Variants in CHD5 observed in about 807,000 individuals in gnomAD.
CHD5 encodes chromodomain helicase DNA binding protein 5, also known as ATP-dependent chromatin remodeler CHD5.
Under a neutral mutation model 230.3 loss-of-function variants are expected in CHD5, and 69 were observed. That is an observed-to-expected ratio of 0.30 (90% CI 0.25 to 0.37). The LOEUF (loss-of-function observed/expected upper bound fraction) is 0.37. CHD5 is among the 10% of genes least tolerant of loss of function. The probability of loss-of-function intolerance (pLI) is 1.00; values close to 1 mark genes in which losing one functional copy is unlikely to be tolerated. For missense variants in CHD5, 1,827 were observed against 2,622.8 expected, an observed-to-expected ratio of 0.70 and a Z score of 6.63; for synonymous variants, 1,064 against 1,065.9, an observed-to-expected ratio of 1.00 and a Z score of 0.03.
Position 6,124,674 on chromosome 1 carries a change from G to GGC in CHD5, c.4395-14_4395-13insGC. 1.1e-6 allele frequency: 1 copy of GGC among 927,678 alleles called. No individual in the cohort carries two copies. The highest frequency in any genetic ancestry group is 1.7e-5 in the African/African-American group (1 of 59,282). The allele number at this position is 927,678 out of a possible 1,614,324, so 57.5% of individuals were successfully genotyped here. A position where few individuals can be genotyped will look rare whatever the true frequency, so the allele number is the denominator to read the frequency against. ...GGACACATAGGCTCTGGGGTGGGGGGGGGGGACTGGGGCTCAGGGAGTGGG... is the reference window on the plus strand; with the variant it reads ...GGACACATAGGCTCTGGGGTGGGGGGGCGGGGGACTGGGGCTCAGGGAGTGGG... On this transcript the variant is annotated splice_polypyrimidine_tract_variant and intron_variant, in intron 29 of 41. Transcript: ENST00000262450.
In CHD5 at chr1:6,126,112, AGTG is replaced by A. The variant is rs1194105450; in HGVS notation, c.4079-257_4079-255del. ...ACGTGCCCAAGGCCACGTCACGAGC[AGTG>A]GTGAAGTCACTGAACTGAGCCACAC... On this transcript the variant is annotated intron_variant, in intron 26 of 41. Coordinates refer to ENST00000262450, the MANE Select transcript of CHD5 (RefSeq NM_015557.3). The surrounding 1 kb of genome is among the most constrained non-coding windows in gnomAD (Gnocchi z 5.7). Among the ~76,000 whole-genome samples the A allele has an allele frequency of 5.9e-5, 9 of 152,182 alleles. No homozygotes were observed. Among genetic ancestry groups the A allele is most frequent in the Non-Finnish European group, 1.2e-4 (8 of 68,022 alleles).
Position 6,102,124 on chromosome 1 carries a change from GCCAGTGGGGACCC to G in CHD5, c.*3337_*3349del, listed in dbSNP as rs1252037477. ...ACACCCCTGAACTCAGACCCCACGGGCCAGTGGGGACCCTCCCTTCCTCTCCAGGGGTGCTTGG... is the reference window on the plus strand; with the variant it reads ...ACACCCCTGAACTCAGACCCCACGGGTCCCTTCCTCTCCAGGGGTGCTTGG... On this transcript the variant is annotated 3_prime_UTR_variant, in exon 42 of 42. Coordinates refer to ENST00000262450, the MANE Select transcript of CHD5 (RefSeq NM_015557.3). 3.1e-6 allele frequency: 1 copy of G among 326,960 alleles called. No homozygotes were observed. Among genetic ancestry groups the G allele is most frequent in the Non-Finnish European group, 6.2e-6 (1 of 161,370 alleles). The allele number at this position is 326,960 out of a possible 1,614,324, so 20.3% of individuals were successfully genotyped here.
Position 6,134,361 on chromosome 1 carries a change from T to A in CHD5, c.3013-102A>T. On this transcript the variant is annotated intron_variant, in intron 19 of 41. Transcript: ENST00000262450. This position sits in a 1 kb window ranked among gnomAD's most constrained non-coding sequence, Gnocchi z 6.3. ...AACAGACAAGTGCTGAGCAATGGGG[T>A]GATGGCCTGTCTGCCCACTGAACAT... 2 of 1,371,134 alleles carry A rather than the reference T, an allele frequency of 1.5e-6. No homozygotes were observed. Among genetic ancestry groups the A allele is most frequent in the Non-Finnish European group, 2.0e-6 (2 of 992,782 alleles). 84.9% of individuals were successfully genotyped at this position (1,371,134 alleles called of 1,614,324 possible). A position where few individuals can be genotyped will look rare whatever the true frequency, so the allele number is the denominator to read the frequency against.
chr1:6,138,701 C>T (rs1666782162), intron 15 of CHD5, among the ~76,000 whole-genome samples: 1 of 152,250 alleles, frequency 6.6e-6, no homozygotes, highest in Admixed American at 6.5e-5. Flanking sequence ...AGAGCTAAGT[C>T]TGTTTCTCAA....
intron 38 of CHD5, among the ~76,000 whole-genome samples, chr1:6,107,193 T>C (rs1255880916): frequency 1.4e-5 from 1 of 72,072 alleles, no homozygotes; most frequent in Non-Finnish European, 2.8e-5. Flanking sequence ...TGGGGGAAGA[T>C]GGAGGGATGG....
Position 6,124,657 on chromosome 1 carries a change from A to T in CHD5, c.4399T>A (p.Tyr1467Asn). Reference sequence around the variant, plus strand: ...AGGTGCCGCATGAAGAGGGACACATAGGCTCTGGGGTGGGGGGGGGGGACT... The same window carrying T: ...AGGTGCCGCATGAAGAGGGACACATTGGCTCTGGGGTGGGGGGGGGGGACT... ...RGKSEKEFRAYVSLFMRHLCE... is the reference protein window; with the variant it reads ...RGKSEKEFRANVSLFMRHLCE... The change falls in exon 30 of 42, where the codon TAT becomes AAT. Residue 1467 changes from tyrosine to asparagine, a missense_variant. Transcript: ENST00000262450. 3 of 249,974 alleles carry T rather than the reference A, an allele frequency of 1.2e-5. No individual in the cohort carries two copies. The highest frequency in any genetic ancestry group is 2.1e-5 in the Non-Finnish European group (3 of 142,290). 15.5% of individuals were successfully genotyped at this position (249,974 alleles called of 1,614,324 possible). A position where few individuals can be genotyped will look rare whatever the true frequency, so the allele number is the denominator to read the frequency against.
Position 6,155,795 on chromosome 1 carries a change from G to T in CHD5, c.388-78C>A. The T allele has an allele frequency of 8.8e-7, 1 of 1,130,582 alleles. No homozygotes were observed. The highest frequency in any genetic ancestry group is 1.3e-6 in the Non-Finnish European group (1 of 753,172). The allele number at this position is 1,130,582 out of a possible 1,614,324, so 70.0% of individuals were successfully genotyped here. A position where few individuals can be genotyped will look rare whatever the true frequency, so the allele number is the denominator to read the frequency against. On this transcript the variant is annotated intron_variant, in intron 3 of 41. Transcript: ENST00000262450. The surrounding 1 kb of genome is among the most constrained non-coding windows in gnomAD (Gnocchi z 4.0). ...CCCCCATCCCCAGGGTCTCTGCCTAGGAGGCTTTGGCACAGGGGAAAGAGG... is the reference window on the plus strand; with the variant it reads ...CCCCCATCCCCAGGGTCTCTGCCTATGAGGCTTTGGCACAGGGGAAAGAGG...
At chr1:6,175,732 A>G (rs1667416591) in intron 1 of CHD5, among the ~76,000 whole-genome samples, 2 of 149,018 alleles carry the variant, frequency 1.3e-5, no homozygotes, top group Non-Finnish European at 3.0e-5. Flanking sequence ...ATGGATATAC[A>G]TATGGATAGA....
At chr1:6,161,643 C>G (rs1006441968) in intron 2 of CHD5, among the ~76,000 whole-genome samples, 1 of 152,206 alleles carries the variant, frequency 6.6e-6, no homozygotes, top group Non-Finnish European at 1.5e-5. Context: ...GGCTCCCAAG[C>G]TCGGCCTCGG....
chr1:6,154,634 A>C lies in CHD5; in HGVS notation c.745+26T>G. On this transcript the variant is annotated intron_variant, in intron 5 of 41. Transcript: ENST00000262450. The surrounding 1 kb of genome is among the most constrained non-coding windows in gnomAD (Gnocchi z 7.0). ...AAAGGGACCTCTTCCCAGCGGGACT[A>C]GGTGCCCACCCAACCCCAGCCTTAC... is the stretch of plus-strand genomic sequence containing the variant. 6.5e-7 allele frequency: 1 copy of C among 1,527,394 alleles called. No individual in the cohort carries two copies. The highest frequency in any genetic ancestry group is 2.0e-5 in the Admixed American group (1 of 49,122). 94.6% of individuals were successfully genotyped at this position (1,527,394 alleles called of 1,614,324 possible).
In CHD5 at chr1:6,125,132, C is replaced by T. The variant is rs145328843; in HGVS notation, c.4362G>A (p.Arg1454=). ...QDAFNSHWLV[R]DLRGKSEKEF... ...CCTTCTCGCTCTTCCCTCGAAGGTC[C>T]CGCACCAGCCAGTGGGAGTTGAAGG... Residue 1454 remains arginine, a synonymous_variant, in exon 29 of 42, where the codon CGG becomes CGA. Coordinates refer to ENST00000262450, the MANE Select transcript of CHD5 (RefSeq NM_015557.3). The surrounding 1 kb of genome is among the most constrained non-coding windows in gnomAD (Gnocchi z 6.7). 91 of 1,602,068 alleles carry T rather than the reference C, an allele frequency of 5.7e-5. 2 individuals carry two copies. Among genetic ancestry groups the T allele is most frequent in the Middle Eastern group, 3.3e-4 (2 of 6,058 alleles).
intron 9 of CHD5, among the ~76,000 whole-genome samples, chr1:6,148,532 C>T (rs1571159988): frequency 6.6e-6 from 1 of 152,202 alleles, no homozygotes; most frequent in East Asian, 1.9e-4. Flanking sequence ...TTAAAGGACA[C>T]TATGATGGAT....
intron 33 of CHD5, among the ~76,000 whole-genome samples, chr1:6,117,919 C>G (rs930201536): frequency 6.6e-6 from 1 of 152,122 alleles, no homozygotes; most frequent in African/African-American, 2.4e-5. Flanking sequence ...TATGATCCAG[C>G]AGTTCTACTC....
rs1332705288 is a variant in CHD5 at position 6,149,187 on chromosome 1, CA to C, written c.1161+58del. Reference sequence around the variant, plus strand: ...CGCATTCTGCCCCCAAATGAGGGCACAGGGGTGGGGGAGCCAGGCGTGGCCC... The same window carrying C: ...CGCATTCTGCCCCCAAATGAGGGCACGGGGTGGGGGAGCCAGGCGTGGCCC... On this transcript the variant is annotated intron_variant, in intron 8 of 41. Coordinates refer to ENST00000262450, the MANE Select transcript of CHD5 (RefSeq NM_015557.3). The C allele has an allele frequency of 6.0e-6, 9 of 1,502,166 alleles. No homozygotes were observed. The African/African-American group carries it at 8.4e-5, about 14-fold the overall frequency. The allele number at this position is 1,502,166 out of a possible 1,614,324, so 93.1% of individuals were successfully genotyped here.
chr1:6,156,388 T>C (rs1252045084), intron 3 of CHD5, among the ~76,000 whole-genome samples: 1 of 151,976 alleles, frequency 6.6e-6, no homozygotes, highest in Non-Finnish European at 1.5e-5. Context: ...ATACAAAAAT[T>C]AGTTGGGTGT....
intron 15 of CHD5, among the ~76,000 whole-genome samples, chr1:6,138,431 C>T (rs929164218): frequency 1.3e-5 from 2 of 152,132 alleles, no homozygotes; most frequent in East Asian, 3.9e-4. Flanking sequence ...ACAGAGACCA[C>T]AGAAGAAAGG....
intron 20 of CHD5, among the ~76,000 whole-genome samples, chr1:6,133,336 A>C (rs575204382): frequency 6.6e-6 from 1 of 152,334 alleles, no homozygotes; most frequent in South Asian, 2.1e-4. Context: ...CCCTGGTCTC[A>C]AACTTGCCCT....
chr1:6,152,538 T>C lies in CHD5; in HGVS notation c.746-2A>G. 1 of 1,613,912 alleles carries C rather than the reference T, an allele frequency of 6.2e-7. No individual in the cohort carries two copies. Among genetic ancestry groups the C allele is most frequent in the Non-Finnish European group, 8.5e-7 (1 of 1,179,982 alleles). ...TGATCTTCTTCCTCACTCCAGGCCC[T>C]GAAAAACAGCAGTGATGATAGCCAA... On this transcript the variant is annotated splice_acceptor_variant, in intron 5 of 41. Transcript: ENST00000262450. LOFTEE classifies it high-confidence loss of function.
rs1298559228 is a variant in CHD5 at position 6,125,618 on chromosome 1, G to A, written c.4172-6C>T. ...CCGGGATTGTCGTCGTCCACCTGGG[G>A]AGCAGCCCGCCACAGTTCCTCAGGT... On this transcript the variant is annotated splice_polypyrimidine_tract_variant and splice_region_variant and intron_variant, in intron 27 of 41. Transcript: ENST00000262450. This position sits in a 1 kb window ranked among gnomAD's most constrained non-coding sequence, Gnocchi z 6.7. 6 of 1,612,058 alleles carry A rather than the reference G, an allele frequency of 3.7e-6. No homozygotes were observed. In the South Asian group the frequency reaches 5.5e-5, roughly 15 times the overall value.
Sources: allele counts gnomAD v4.1 joint callset (sites outside exome capture counted in the v4.1 genomes callset), GRCh38; gene constraint gnomAD v4.1.1; non-coding constraint Gnocchi (gnomAD v3.1); transcripts MANE v1.5; gene names NCBI Gene and HGNC (gene_info 2026-07-23, HGNC 2026-07-21).